Variants in ADCY8 observed in about 807,000 individuals in gnomAD.
ADCY8 encodes the protein adenylate cyclase 8.
Under a neutral mutation model 119.7 loss-of-function variants are expected in ADCY8, and 51 were observed. That is an observed-to-expected ratio of 0.43 (90% CI 0.34 to 0.54). ADCY8 has a LOEUF of 0.54. Among genes scored for constraint, ADCY8 ranks in the 20% least tolerant of loss-of-function variants. ADCY8 has a pLI of 0.03. For missense variants in ADCY8, 1,383 were observed against 1,598.8 expected (o/e 0.87, Z 2.30); for synonymous variants, 665 against 651.0 (o/e 1.02, Z -0.33).
At chr8:130,822,191 C>T (rs531136282) in intron 12 of ADCY8, among the ~76,000 whole-genome samples, 13 of 152,024 alleles carry the variant, frequency 8.6e-5, no homozygotes, top group East Asian at 1.9e-4. Context: ...TAGGAATACA[C>T]GGGAAAAAAA....
chr8:130,884,435 A>G (rs1563711711), intron 8 of ADCY8, 129 bp downstream of exon 8: 6 of 915,850 alleles, frequency 6.6e-6, no homozygotes, highest in East Asian at 2.4e-5. Flanking sequence ...AATGAAAGAC[A>G]GTACCAAACC....
At chr8:130,812,011 C>T (rs994153495) in intron 14 of ADCY8, among the ~76,000 whole-genome samples, 4 of 152,182 alleles carry the variant, frequency 2.6e-5, no homozygotes, top group African/African-American at 9.7e-5. Flanking sequence ...CATTTCTCAC[C>T]TCCCACATCT....
chr8:130,781,903 G>C (rs1291942226), intron 17 of ADCY8, among the ~76,000 whole-genome samples: 2 of 152,174 alleles, frequency 1.3e-5, no homozygotes, highest in Non-Finnish European at 1.5e-5. Flanking sequence ...GCCAGGTACA[G>C]TCCTAGGCAT....
At position 131,040,436 on chromosome 8, in the gene ADCY8, C is replaced by A; in HGVS notation, c.-103G>T. The A allele has an allele frequency of 7.4e-7, 1 of 1,347,752 alleles. No individual in the cohort carries two copies. The highest frequency in any genetic ancestry group is 1.9e-5 in the South Asian group (1 of 52,892). The allele number at this position is 1,347,752 out of a possible 1,614,324, so 83.5% of individuals were successfully genotyped here. The stretch of plus-strand genomic sequence containing the variant: ...GCCTGGTAGGAGCTTGGCAAGGATC[C>A]TTTTTATCCTAGGCTGCCCCGTTGC... On this transcript the variant is annotated 5_prime_UTR_variant, in exon 1 of 18. It adds an upstream start codon to the 5' untranslated region. Coordinates refer to ENST00000286355, the MANE Select transcript of ADCY8 (RefSeq NM_001115.3).
At chr8:130,933,003 A>G (rs1330284349) in intron 5 of ADCY8, among the ~76,000 whole-genome samples, 1 of 152,186 alleles carries the variant, frequency 6.6e-6, no homozygotes, top group Non-Finnish European at 1.5e-5. Context: ...AAAAATCCAA[A>G]TGCCATCTTA....
At chr8:130,915,562 A>G (rs569618858) in intron 5 of ADCY8, among the ~76,000 whole-genome samples, 2 of 152,260 alleles carry the variant, frequency 1.3e-5, no homozygotes, top group Admixed American at 6.5e-5. Flanking sequence ...TCAGTGTCTC[A>G]GTCTTCCCAG....
At position 130,800,553 on chromosome 8, in the gene ADCY8, T is replaced by C. The variant is rs942444681; in HGVS notation, c.2933A>G (p.Tyr978Cys). Residue 978 changes from tyrosine (Y) to cysteine (C), a missense_variant, in exon 15 of 18, where the codon TAT becomes TGT. By Grantham distance (194) the Tyr-to-Cys change is radical. Coordinates refer to ENST00000286355, the MANE Select transcript of ADCY8 (RefSeq NM_001115.3). ...RDNEELYSQS[Y>C]DAVGVMFASI... ...GGCAAACATCACCCCAACAGCATCA[T>C]AGGATTGAGAATACAGCTCCTGGAC... The C allele has an allele frequency of 2.5e-6, 4 of 1,613,872 alleles. No individual in the cohort carries two copies. Among genetic ancestry groups the C allele is most frequent in the African/African-American group, 2.7e-5 (2 of 74,890 alleles).
chr8:130,979,664 T>G (rs1822180304), intron 2 of ADCY8, among the ~76,000 whole-genome samples: 1 of 152,206 alleles, frequency 6.6e-6, no homozygotes, highest in Non-Finnish European at 1.5e-5. Context: ...ACTTACTAGC[T>G]GTTATTTAGC....
intron 5 of ADCY8, among the ~76,000 whole-genome samples, chr8:130,924,662 C>T (rs1395777327): frequency 6.6e-6 from 1 of 152,134 alleles, no homozygotes; most frequent in Non-Finnish European, 1.5e-5. Context: ...CTCCAATTTT[C>T]TCATTGGTAA....
At position 130,992,419 on chromosome 8, in the gene ADCY8, A is replaced by ATATATATG. The variant is rs1554623351; in HGVS notation, c.961-1878_961-1877insCATATATA. ...TATATATATATATATATATATATATATATATATATATTTGAGATAGGGTCT... is the reference window on the plus strand; with the variant it reads ...TATATATATATATATATATATATATATATATATGTATATATATATTTGAGATAGGGTCT... On this transcript the variant is annotated intron_variant, in intron 1 of 17. Transcript: ENST00000286355. Among the ~76,000 whole-genome samples, 33 of 127,712 alleles carry ATATATATG rather than the reference A, an allele frequency of 2.6e-4. 1 individual carries two copies. Among genetic ancestry groups the ATATATATG allele is most frequent in the African/African-American group, 1.0e-3 (29 of 29,094 alleles). The allele number at this position is 127,712 out of a possible 152,430, so 83.8% of individuals were successfully genotyped here. A position where few individuals can be genotyped will look rare whatever the true frequency, so the allele number is the denominator to read the frequency against.
At chr8:130,940,913 T>C (rs894064771) in intron 4 of ADCY8, among the ~76,000 whole-genome samples, 1 of 152,226 alleles carries the variant, frequency 6.6e-6, no homozygotes, top group Non-Finnish European at 1.5e-5. Flanking sequence ...TTATCAAAGA[T>C]GGTTATATTG....
rs1027940950 is a variant in ADCY8 at position 130,804,896 on chromosome 8, G to T, written c.2914-4324C>A. Among the ~76,000 whole-genome samples, 97 of 152,252 alleles carry T rather than the reference G, an allele frequency of 6.4e-4. 1 individual carries two copies. Among genetic ancestry groups the T allele is most frequent in the Admixed American group, 8.5e-4 (13 of 15,300 alleles). On this transcript the variant is annotated intron_variant, in intron 14 of 17. Transcript: ENST00000286355. ...TGAGTAGCTGGGGTTACAGGCGCCT[G>T]CCATCATACCAGGCTAATTTTTGTA...
At chr8:130,864,308 C>A (rs1433695415) in intron 9 of ADCY8, among the ~76,000 whole-genome samples, 4 of 152,000 alleles carry the variant, frequency 2.6e-5, no homozygotes, top group African/African-American at 9.7e-5. Flanking sequence ...TGATGTTTAT[C>A]CTGGTTGGTT....
chr8:130,990,554 A>G lies in ADCY8; in HGVS notation c.961-12T>C. 6.2e-7 allele frequency: 1 copy of G among 1,612,544 alleles called. No individual in the cohort carries two copies. Among genetic ancestry groups the G allele is most frequent in the South Asian group, 1.1e-5 (1 of 90,934 alleles). On this transcript the variant is annotated splice_polypyrimidine_tract_variant and intron_variant, in intron 1 of 17. Coordinates refer to ENST00000286355, the MANE Select transcript of ADCY8 (RefSeq NM_001115.3). ...GCCTGGGCCACAACCTAAAATAAAC[A>G]CAGTCTGGTCAGGCGCTTAAAACAA...
At chr8:130,896,903 A>C (rs889229566) in intron 7 of ADCY8, among the ~76,000 whole-genome samples, 9 of 152,054 alleles carry the variant, frequency 5.9e-5, no homozygotes, top group Non-Finnish European at 1.0e-4. Flanking sequence ...ACAGTCTTGG[A>C]GCCTGTGTCT....
At chr8:130,792,533 C>T (rs139767452) in intron 15 of ADCY8, among the ~76,000 whole-genome samples, 9 of 152,282 alleles carry the variant, frequency 5.9e-5, no homozygotes, top group Admixed American at 2.6e-4. Flanking sequence ...TCCTCCTCAT[C>T]GACCCCCATC....
chr8:130,879,566 T>C (rs1340869390), intron 8 of ADCY8, among the ~76,000 whole-genome samples: 1 of 152,194 alleles, frequency 6.6e-6, no homozygotes, highest in Non-Finnish European at 1.5e-5. Flanking sequence ...TATTTTTAAA[T>C]GTGAATTCTC....
intron 2 of ADCY8, among the ~76,000 whole-genome samples, chr8:130,953,260 T>A (rs1247931708): frequency 6.6e-6 from 1 of 152,200 alleles, no homozygotes; most frequent in East Asian, 1.9e-4. Context: ...AGATAAAATT[T>A]TTCTTGGTCT....
intron 2 of ADCY8, among the ~76,000 whole-genome samples, chr8:130,988,819 T>G (rs1822485064): frequency 6.6e-6 from 1 of 152,228 alleles, no homozygotes; most frequent in South Asian, 2.1e-4. Flanking sequence ...CAAAAAGTCT[T>G]ATGGAGATGG....
Sources: gnomAD v4.1 joint callset for allele counts (sites outside exome capture counted in the v4.1 genomes callset) on GRCh38, gnomAD v4.1.1 for gene constraint, MANE v1.5 for transcripts, NCBI Gene and HGNC (gene_info 2026-07-23, HGNC 2026-07-21) for gene names.